The following ADGRB2 variants were observed in gnomAD, a reference collection of about 807,000 sequenced individuals.
ADGRB2 encodes adhesion G protein-coupled receptor B2, also known as brain-specific angiogenesis inhibitor 2.
Under a neutral mutation model 178.7 loss-of-function variants are expected in ADGRB2, and 47 were observed. The ratio of observed to expected loss-of-function variants is 0.26; its 90% CI spans 0.21 to 0.34. The LOEUF (loss-of-function observed/expected upper bound fraction) is 0.34. Among genes scored for constraint, ADGRB2 ranks in the 10% least tolerant of loss-of-function variants. ADGRB2 has a pLI of 1.00. For synonymous variants in ADGRB2, 870 were observed against 912.4 expected, an observed-to-expected ratio of 0.95 and a Z score of 0.84; for missense variants, 1,584 against 2,180.8, an observed-to-expected ratio of 0.73 and a Z score of 5.45.
In ADGRB2 at chr1:31,727,752, G is replaced by T. The variant is rs1645058026; in HGVS notation, c.4573-147C>A. The T allele has an allele frequency of 2.0e-6, 2 of 995,306 alleles. No homozygotes were observed. Among genetic ancestry groups the T allele is most frequent in the African/African-American group, 1.6e-5 (1 of 61,060 alleles). The allele number at this position is 995,306 out of a possible 1,614,324, so 61.7% of individuals were successfully genotyped here. ...TCAAGCAGAATTCAAATACAGACCTGCCTGGTTCCAGGGTGGGGCTCCTGA... is the reference window on the plus strand; with the variant it reads ...TCAAGCAGAATTCAAATACAGACCTTCCTGGTTCCAGGGTGGGGCTCCTGA... On this transcript the variant is annotated intron_variant, in intron 32 of 32. Transcript: ENST00000373658. This position sits in a 1 kb window ranked among gnomAD's most constrained non-coding sequence, Gnocchi z 4.4.
chr1:31,731,240 C>T lies in ADGRB2; in HGVS notation c.3940G>A (p.Glu1314Lys), dbSNP rs1439294372. Residue 1314 changes from glutamate (E) to lysine (K), a missense_variant, in exon 29 of 33, where the codon GAG (glutamate) becomes AAG (lysine). Around this residue, in one of 3 missense-constraint regions of ADGRB2, gnomAD observed 865 missense variants for 1,192.8 expected, o/e 0.73. Transcript: ENST00000373658. Reference sequence around the variant, plus strand: ...TTGGCCTCCTGTGGGGGCGGAGGCTCCCCCAGCCCTGGTGAGGCTGCCATG... The same window carrying T: ...TTGGCCTCCTGTGGGGGCGGAGGCTTCCCCAGCCCTGGTGAGGCTGCCATG... ...VPMAASPGLG[E>K]PPPPQEANPV... The T allele has an allele frequency of 5.6e-6, 9 of 1,606,966 alleles. No homozygotes were observed. The highest frequency in any genetic ancestry group is 7.6e-6 in the Non-Finnish European group (9 of 1,177,390).
chr1:31,733,674 G>T lies in ADGRB2; in HGVS notation c.3453-531C>A, dbSNP rs112727970. 4.4e-3 allele frequency among the ~76,000 whole-genome samples: 673 copies of T among 152,216 alleles called. 7 individuals are homozygous for T. Among genetic ancestry groups the T allele is most frequent in the East Asian group, 0.034 (178 of 5,172 alleles). On this transcript the variant is annotated intron_variant, in intron 25 of 32. Coordinates refer to ENST00000373658, the MANE Select transcript of ADGRB2 (RefSeq NM_001364857.2). This position sits in a 1 kb window ranked among gnomAD's most constrained non-coding sequence, Gnocchi z 4.3. ...ACGAATCCTCAGGGAGAAGACAGGG[G>T]GCCAGGACCAGTGAAGCAGAACTCC...
At chr1:31,730,675 A>T in intron 29 of ADGRB2, 125 bp downstream of exon 29, 1 of 1,259,292 alleles carries the variant, frequency 7.9e-7, no homozygotes, top group Non-Finnish European at 1.0e-6. Context: ...AGAAATGCTC[A>T]GTGTATCCAC....
At position 31,752,938 on chromosome 1, in the gene ADGRB2, G is replaced by A. The variant is rs114031250; in HGVS notation, c.838+3061C>T. On this transcript the variant is annotated intron_variant, in intron 4 of 32. Coordinates refer to ENST00000373658, the MANE Select transcript of ADGRB2 (RefSeq NM_001364857.2). ...AAGGATGGAGCCTGATGATGGGGAG[G>A]GTGAGCCTGCAGCAAGCAGCCAGGG... Among the ~76,000 whole-genome samples the A allele has an allele frequency of 2.0e-3, 302 of 152,280 alleles. 1 individual carries two copies. The highest frequency in any genetic ancestry group is 3.2e-3 in the Non-Finnish European group (220 of 68,020).
In ADGRB2 at chr1:31,756,010, T is replaced by G. The variant is rs778218827; in HGVS notation, c.827A>C (p.Glu276Ala). Reference sequence around the variant, plus strand: ...CTGCTGAGACTCACCATATCTCATCTCGGTTGTGAACAGATCATTGCTGCT... The same window carrying G: ...CTGCTGAGACTCACCATATCTCATCGCGGTTGTGAACAGATCATTGCTGCT... ...SGSSNDLFTT[E>A]MRYGEEPEEE... Residue 276 changes from glutamate (E) to alanine (A), a missense_variant, in exon 4 of 33, where the codon GAG becomes GCG. By Grantham distance (107) the Glu-to-Ala change is moderately radical. Around this residue, in one of 3 missense-constraint regions of ADGRB2, gnomAD observed 657 missense variants for 847.6 expected, o/e 0.78. Coordinates refer to ENST00000373658, the MANE Select transcript of ADGRB2 (RefSeq NM_001364857.2). The surrounding 1 kb of genome is among the most constrained non-coding windows in gnomAD (Gnocchi z 8.5). The G allele has an allele frequency of 6.2e-7, 1 of 1,607,924 alleles. No individual in the cohort carries two copies. Among genetic ancestry groups the G allele is most frequent in the Non-Finnish European group, 8.5e-7 (1 of 1,175,404 alleles).
rs1178911276 is a variant in ADGRB2, at chr1:31,761,764, T to C, written c.-191+2120A>G. Among the ~76,000 whole-genome samples the C allele has an allele frequency of 6.6e-6, 1 of 152,172 alleles. No homozygotes were observed. Among genetic ancestry groups the C allele is most frequent in the Non-Finnish European group, 1.5e-5 (1 of 68,036 alleles). Reference sequence around the variant, plus strand: ...GAGTGAAGGCACTGGAACCTGTTTTTCATTTTTCTCCTTTGGGATTAGGAG... The same window carrying C: ...GAGTGAAGGCACTGGAACCTGTTTTCCATTTTTCTCCTTTGGGATTAGGAG... On this transcript the variant is annotated intron_variant, in intron 1 of 32. Transcript: ENST00000373658. This position sits in a 1 kb window ranked among gnomAD's most constrained non-coding sequence, Gnocchi z 4.2.
Position 31,735,332 on chromosome 1 carries a change from G to A in ADGRB2, c.3354-51C>T, listed in dbSNP as rs548547102. 2.3e-5 allele frequency: 32 copies of A among 1,392,802 alleles called. No individual in the cohort carries two copies. Among genetic ancestry groups the A allele is most frequent in the South Asian group, 5.2e-5 (4 of 76,316 alleles). The allele number at this position is 1,392,802 out of a possible 1,614,324, so 86.3% of individuals were successfully genotyped here. A position where few individuals can be genotyped will look rare whatever the true frequency, so the allele number is the denominator to read the frequency against. ...AAGGAGGGGAAACACATGGGAAGCC[G>A]GGAGATGGGGCAGAATGAGCCCCGA... On this transcript the variant is annotated intron_variant, in intron 24 of 32. Coordinates refer to ENST00000373658, the MANE Select transcript of ADGRB2 (RefSeq NM_001364857.2). This position sits in a 1 kb window ranked among gnomAD's most constrained non-coding sequence, Gnocchi z 6.0.
Position 31,730,954 on chromosome 1 carries a change from C to A in ADGRB2, c.4226G>T (p.Gly1409Val), listed in dbSNP as rs759465392. The A allele has an allele frequency of 6.4e-7, 1 of 1,568,720 alleles. No homozygotes were observed. Among genetic ancestry groups the A allele is most frequent in the Non-Finnish European group, 8.7e-7 (1 of 1,154,704 alleles). The change falls in exon 29 of 33, where the codon GGC becomes GTC. Residue 1409 changes from glycine (G) to valine (V), a missense_variant. Gly to Val is a moderately radical substitution (Grantham distance 109). This residue lies in a region of ADGRB2 where 865 missense variants were observed against 1,192.8 expected (regional missense o/e 0.73). Coordinates refer to ENST00000373658, the MANE Select transcript of ADGRB2 (RefSeq NM_001364857.2). The stretch of plus-strand genomic sequence containing the variant: ...ATTCTGGAGAGATCCATAGGCAGGG[C>A]CCAGCCCCAGGCCCGAGTGGTCCAC... ...LSVDHSGLGL[G>V]PAYGSLQNPY...
rs1051405625 is a variant in ADGRB2 at position 31,733,920 on chromosome 1, C to A, written c.3453-777G>T. Among the ~76,000 whole-genome samples, 2 of 152,218 alleles carry A rather than the reference C, an allele frequency of 1.3e-5. No homozygotes were observed. Among genetic ancestry groups the A allele is most frequent in the African/African-American group, 4.8e-5 (2 of 41,452 alleles). Reference sequence around the variant, plus strand: ...ATGAGGGACAGCCAGGCCACCATACCCTCCCGGGCCAGGTGCCACACTCAG... The same window carrying A: ...ATGAGGGACAGCCAGGCCACCATACACTCCCGGGCCAGGTGCCACACTCAG... On this transcript the variant is annotated intron_variant, in intron 25 of 32. Transcript: ENST00000373658. The surrounding 1 kb of genome is among the most constrained non-coding windows in gnomAD (Gnocchi z 4.3).
rs1244001897 is a variant in ADGRB2 at position 31,759,967 on chromosome 1, C to T, written c.-190-2456G>A. On this transcript the variant is annotated intron_variant, in intron 1 of 32. Coordinates refer to ENST00000373658, the MANE Select transcript of ADGRB2 (RefSeq NM_001364857.2). This position sits in a 1 kb window ranked among gnomAD's most constrained non-coding sequence, Gnocchi z 4.3. Reference sequence around the variant, plus strand: ...GGGATGGCAGACACCTCATCAGCCTCCCAACAAGTTCCCAGCACAGAGCCT... The same window carrying T: ...GGGATGGCAGACACCTCATCAGCCTTCCAACAAGTTCCCAGCACAGAGCCT... Among the ~76,000 whole-genome samples, 2 of 152,166 alleles carry T rather than the reference C, an allele frequency of 1.3e-5. No individual in the cohort carries two copies. The highest frequency in any genetic ancestry group is 2.9e-5 in the Non-Finnish European group (2 of 68,022).
At chr1:31,730,471 G>C (rs1232962773) in intron 29 of ADGRB2, among the ~76,000 whole-genome samples, 1 of 152,212 alleles carries the variant, frequency 6.6e-6, no homozygotes, top group Non-Finnish European at 1.5e-5. Context: ...ACTCAGACCT[G>C]CATGACGCAG....
chr1:31,743,231 C>T (rs1053253276), intron 6 of ADGRB2, among the ~76,000 whole-genome samples: 7 of 152,018 alleles, frequency 4.6e-5, no homozygotes, highest in Non-Finnish European at 1.0e-4. Context: ...TAGGACAGCC[C>T]CTGTGGACGC....
In ADGRB2 at chr1:31,728,703, C is replaced by G; in HGVS notation, c.4381-70G>C. 2 of 1,584,052 alleles carry G rather than the reference C, an allele frequency of 1.3e-6. No homozygotes were observed. Among genetic ancestry groups the G allele is most frequent in the Non-Finnish European group, 1.7e-6 (2 of 1,154,300 alleles). ...TTACCACCGGCAGGGGCTTTAGAGA[C>G]AGGAAGCCTGGCATCCCAGGGGTCT... On this transcript the variant is annotated intron_variant, in intron 29 of 32. Coordinates refer to ENST00000373658, the MANE Select transcript of ADGRB2 (RefSeq NM_001364857.2). The surrounding 1 kb of genome is among the most constrained non-coding windows in gnomAD (Gnocchi z 6.7).
chr1:31,757,020 A>C (rs549512243), intron 3 of ADGRB2, among the ~76,000 whole-genome samples, 181 bp downstream of exon 3: 2 of 152,158 alleles, frequency 1.3e-5, no homozygotes, highest in Non-Finnish European at 2.9e-5. Context: ...CAATGATAGG[A>C]CCTATCGCAC....
chr1:31,738,799 G>A (rs1409455202), intron 16 of ADGRB2, 33 bp downstream of exon 16: 1 of 1,609,216 alleles, frequency 6.2e-7, no homozygotes, highest in Non-Finnish European at 8.5e-7. Context: ...AGGTTGAGGT[G>A]CACCCAAGGT....
At position 31,728,489 on chromosome 1, in the gene ADGRB2, C is replaced by G. The variant is rs977334640; in HGVS notation, c.4416+109G>C. The stretch of plus-strand genomic sequence containing the variant: ...CCCACGGAACCCCCGGGCTTGGGCT[C>G]CTGGGGTCAGGCTCTGCAACAGAGC... On this transcript the variant is annotated intron_variant, in intron 30 of 32. Coordinates refer to ENST00000373658, the MANE Select transcript of ADGRB2 (RefSeq NM_001364857.2). The surrounding 1 kb of genome is among the most constrained non-coding windows in gnomAD (Gnocchi z 6.7). 5.8e-6 allele frequency: 9 copies of G among 1,547,230 alleles called. No individual in the cohort carries two copies. The African/African-American group carries it at 1.2e-4, about 21-fold the overall frequency.
At chr1:31,743,094 C>T in intron 6 of ADGRB2, 92 bp from the exon 7 acceptor site, 1 of 1,308,036 alleles carries the variant, frequency 7.6e-7, no homozygotes, top group Non-Finnish European at 9.9e-7. Context: ...AGGAGCTCCG[C>T]AGCTCTGCGG....
intron 1 of ADGRB2, among the ~76,000 whole-genome samples, chr1:31,762,205 AAGG>A (rs1647059803): frequency 6.6e-6 from 1 of 152,108 alleles, no homozygotes; most frequent in Admixed American, 6.5e-5. Flanking sequence ...GAGAGAGCGG[AAGG>A]AGGAGAGAGG....
chr1:31,733,151 G>C lies in ADGRB2; in HGVS notation c.3453-8C>G, dbSNP rs919275745. 25 of 1,569,160 alleles carry C rather than the reference G, an allele frequency of 1.6e-5. No homozygotes were observed. The highest frequency in any genetic ancestry group is 1.9e-5 in the Non-Finnish European group (22 of 1,157,716). On this transcript the variant is annotated splice_region_variant and splice_polypyrimidine_tract_variant and intron_variant, in intron 25 of 32. Transcript: ENST00000373658. The surrounding 1 kb of genome is among the most constrained non-coding windows in gnomAD (Gnocchi z 4.3). ...GAGCTCCAGAGTGAGGCCCTGAGGG[G>C]ACAGTGGCAGAGCCCATCAGAGTGA... is the stretch of plus-strand genomic sequence containing the variant.
Sources: gnomAD v4.1 joint callset for allele counts (sites outside exome capture counted in the v4.1 genomes callset) on GRCh38, gnomAD v4.1.1 for gene constraint, gnomAD v4.1.1 regional missense constraint, Gnocchi (gnomAD v3.1) non-coding constraint, MANE v1.5 for transcripts, NCBI Gene and HGNC (gene_info 2026-07-23, HGNC 2026-07-21) for gene names.